The following IRAG1 variants were observed in gnomAD, a reference collection of about 807,000 sequenced individuals.
The protein encoded by IRAG1 is IP3R-associated cGMP kinase substrate.
Under a neutral mutation model 106.2 loss-of-function variants are expected in IRAG1, and 62 were observed. That is an observed-to-expected ratio of 0.58 (90% CI 0.48 to 0.72). IRAG1 has a LOEUF of 0.72. Among genes scored for constraint, IRAG1 ranks in the 30% least tolerant of loss-of-function variants. The pLI, the probability that IRAG1 is intolerant of heterozygous loss-of-function variation, is 0.00. For synonymous variants in IRAG1, 462 were observed against 443.9 expected, an observed-to-expected ratio of 1.04 and a Z score of -0.51; for missense variants, 1,064 against 1,140.7, an observed-to-expected ratio of 0.93 and a Z score of 0.97.
chr11:10,603,977 A>G (rs1854263034), intron 13 of IRAG1, among the ~76,000 whole-genome samples: 1 of 152,164 alleles, frequency 6.6e-6, no homozygotes, highest in African/African-American at 2.4e-5. Flanking sequence ...TTGTTACAGC[A>G]ATTCAAACTG....
chr11:10,638,350 C>G (rs1051013201), intron 2 of IRAG1, among the ~76,000 whole-genome samples: 1 of 152,134 alleles, frequency 6.6e-6, no homozygotes, highest in Non-Finnish European at 1.5e-5. Context: ...GATTTGTGCT[C>G]CCTGGCCCCA....
intron 16 of IRAG1, 194 bp downstream of exon 16, chr11:10,593,952 C>A: frequency 1.6e-6 from 1 of 611,086 alleles, no homozygotes; most frequent in South Asian, 2.1e-5. Context: ...GGGATGTATA[C>A]ATAGTTAAGG....
At chr11:10,682,391 A>G (rs578104160) in intron 1 of IRAG1, among the ~76,000 whole-genome samples, 1 of 152,354 alleles carries the variant, frequency 6.6e-6, no homozygotes, top group Non-Finnish European at 1.5e-5. Flanking sequence ...GAATCGTGAT[A>G]TAGGGACAAC....
intron 1 of IRAG1, among the ~76,000 whole-genome samples, chr11:10,684,249 C>T (rs1861486038): frequency 6.6e-6 from 1 of 152,156 alleles, no homozygotes; most frequent in Non-Finnish European, 1.5e-5. Context: ...AAATGTGGCA[C>T]ATATACACCA....
chr11:10,691,866 C>T (rs1862083031), intron 1 of IRAG1, among the ~76,000 whole-genome samples: 1 of 152,110 alleles, frequency 6.6e-6, no homozygotes, highest in Non-Finnish European at 1.5e-5. Context: ...TGGCCTGGGG[C>T]TGAGCATCAG....
chr11:10,621,185 T>C (rs1030001863), intron 10 of IRAG1, among the ~76,000 whole-genome samples: 1 of 152,238 alleles, frequency 6.6e-6, no homozygotes, highest in African/African-American at 2.4e-5. Flanking sequence ...TCAAAAGATC[T>C]CTTTAAAGAT....
intron 4 of IRAG1, among the ~76,000 whole-genome samples, chr11:10,630,600 C>T (rs921209069): frequency 6.6e-6 from 1 of 152,222 alleles, no homozygotes; most frequent in Non-Finnish European, 1.5e-5. Flanking sequence ...ATCAGAGTGG[C>T]TATCAGAGCC....
intron 10 of IRAG1, among the ~76,000 whole-genome samples, chr11:10,610,627 C>T (rs568349959): frequency 3.9e-5 from 6 of 152,276 alleles, no homozygotes; most frequent in South Asian, 4.1e-4. Flanking sequence ...CTCTAGATAC[C>T]ATCCCATTCC....
intron 1 of IRAG1, among the ~76,000 whole-genome samples, chr11:10,656,167 C>A (rs183946542): frequency 1.8e-4 from 28 of 152,314 alleles, no homozygotes; most frequent in Admixed American, 7.2e-4. Context: ...GAGCACCAAC[C>A]CATAAAAGGA....
intron 1 of IRAG1, among the ~76,000 whole-genome samples, chr11:10,680,358 A>AAAGAAAGAAAGAAAGAAGGAAGGAAGG (rs1861082898): frequency 1.1e-5 from 1 of 92,806 alleles, no homozygotes; most frequent in East Asian, 6.3e-4. Flanking sequence ...AGAAAGAAAG[A>AAAGAAAGAAAGAAAGAAGGAAGGAAGG]AAGAAAGAAA....
intron 1 of IRAG1, among the ~76,000 whole-genome samples, chr11:10,666,181 G>T (rs1859772244): frequency 1.3e-5 from 2 of 152,144 alleles, no homozygotes; most frequent in African/African-American, 4.8e-5. Context: ...TAATTCTGAG[G>T]CATTAGCAGG....
chr11:10,598,715 T>C (rs550513436), intron 15 of IRAG1, among the ~76,000 whole-genome samples: 1 of 152,344 alleles, frequency 6.6e-6, no homozygotes, highest in South Asian at 2.1e-4. Flanking sequence ...TAATTTGCTT[T>C]AAGAGCCTTA....
At chr11:10,630,096 G>A (rs1856571899) in intron 4 of IRAG1, 1 of 164,728 alleles carries the variant, frequency 6.1e-6, no homozygotes, top group Non-Finnish European at 1.3e-5. Context: ...ATAAAAGAAG[G>A]AGACCAAAGA....
chr11:10,601,463 T>C (rs1005961191), intron 14 of IRAG1, among the ~76,000 whole-genome samples: 1 of 152,136 alleles, frequency 6.6e-6, no homozygotes, highest in African/African-American at 2.4e-5. Context: ...ACAGGGCTTA[T>C]ATGTAGATGA....
intron 20 of IRAG1, among the ~76,000 whole-genome samples, chr11:10,577,078 TAGA>T (rs1268138948): frequency 6.6e-6 from 1 of 152,146 alleles, no homozygotes; most frequent in Non-Finnish European, 1.5e-5. Flanking sequence ...GTGTCCAGAG[TAGA>T]AGGACTGTGC....
intron 15 of IRAG1, among the ~76,000 whole-genome samples, chr11:10,594,978 G>A (rs1853122885): frequency 6.6e-6 from 1 of 152,076 alleles, no homozygotes; most frequent in African/African-American, 2.4e-5. Flanking sequence ...AGGCTGGAGT[G>A]CAGTGGCACG....
intron 1 of IRAG1, among the ~76,000 whole-genome samples, chr11:10,685,589 T>C (rs934254039): frequency 6.6e-6 from 1 of 151,678 alleles, no homozygotes; most frequent in Non-Finnish European, 1.5e-5. Context: ...GGTGAGGTAG[T>C]ATATGCCTGT....
intron 8 of IRAG1, 117 bp from the exon 9 acceptor site, chr11:10,626,700 T>C: frequency 8.3e-7 from 1 of 1,204,666 alleles, no homozygotes; most frequent in Non-Finnish European, 1.1e-6. Context: ...CCCATTTGTA[T>C]AAGTGTGTAT....
intron 4 of IRAG1, among the ~76,000 whole-genome samples, chr11:10,631,693 A>T (rs1856702132): frequency 1.3e-5 from 2 of 152,194 alleles, no homozygotes; most frequent in African/African-American, 4.8e-5. Flanking sequence ...GGGCCTCTTT[A>T]GCAGAGGCTG....
Sources: allele counts gnomAD v4.1 joint callset (sites outside exome capture counted in the v4.1 genomes callset), GRCh38; gene constraint gnomAD v4.1.1; transcripts MANE v1.5; gene names NCBI Gene and HGNC (gene_info 2026-07-23, HGNC 2026-07-21).